RFTN1: variants seen among roughly 807,000 people sequenced by gnomAD.
RFTN1 encodes the protein raftlin.
Under a neutral mutation model 46.5 loss-of-function variants are expected in RFTN1, and 26 were observed. The observed-to-expected ratio is 0.56, with a 90% CI of 0.41 to 0.78. RFTN1 has a LOEUF of 0.78. Among genes scored for constraint, RFTN1 ranks in the 30% least tolerant of loss-of-function variants. The probability of loss-of-function intolerance (pLI) is 0.00; values close to 1 mark genes in which losing one functional copy is unlikely to be tolerated. For missense variants in RFTN1, 693 were observed against 718.7 expected (o/e 0.96, Z 0.41); for synonymous variants, 261 against 284.2 (o/e 0.92, Z 0.82).
rs1339657774 is a variant in RFTN1 at position 16,317,392 on chromosome 3, A to G, written c.1333-160T>C. On this transcript the variant is annotated intron_variant, in intron 9 of 9. Transcript: ENST00000334133. This position sits in a 1 kb window ranked among gnomAD's most constrained non-coding sequence, Gnocchi z 4.3. ...TACAGGCACCAAACTTGAATCGCAC[A>G]CTATCACATCACACCCACCCCAAGA... Among the ~76,000 whole-genome samples, 1 of 151,166 alleles carries G rather than the reference A, an allele frequency of 6.6e-6. No individual in the cohort carries two copies. The highest frequency in any genetic ancestry group is 2.4e-5 in the African/African-American group (1 of 41,062).
Position 16,351,755 on chromosome 3 carries a change from G to A in RFTN1, c.1146+6177C>T, listed in dbSNP as rs1338263211. On this transcript the variant is annotated intron_variant, in intron 7 of 9. Coordinates refer to ENST00000334133, the MANE Select transcript of RFTN1 (RefSeq NM_015150.2). This position sits in a 1 kb window ranked among gnomAD's most constrained non-coding sequence, Gnocchi z 5.4. Reference sequence around the variant, plus strand: ...ATTTAAAAGCATATAAACTATAAGTGCAAAAACAAGTTGTTTCTCAAAAAA... The same window carrying A: ...ATTTAAAAGCATATAAACTATAAGTACAAAAACAAGTTGTTTCTCAAAAAA... 3.3e-5 allele frequency among the ~76,000 whole-genome samples: 5 copies of A among 152,146 alleles called. No individual in the cohort carries two copies. Among genetic ancestry groups the A allele is most frequent in the African/African-American group, 1.2e-4 (5 of 41,434 alleles).
At position 16,447,942 on chromosome 3, in the gene RFTN1, T is replaced by A. The variant is rs954621914; in HGVS notation, c.146-13905A>T. Among the ~76,000 whole-genome samples the A allele has an allele frequency of 6.6e-6, 1 of 152,198 alleles. No individual in the cohort carries two copies. Among genetic ancestry groups the A allele is most frequent in the Non-Finnish European group, 1.5e-5 (1 of 68,030 alleles). On this transcript the variant is annotated intron_variant, in intron 2 of 9. Coordinates refer to ENST00000334133, the MANE Select transcript of RFTN1 (RefSeq NM_015150.2). This position sits in a 1 kb window ranked among gnomAD's most constrained non-coding sequence, Gnocchi z 5.9. ...TTATAAGGAATCTTTAGATTTTCTCTAATGTATTATTTCTTCCCTCTCTTC... is the reference window on the plus strand; with the variant it reads ...TTATAAGGAATCTTTAGATTTTCTCAAATGTATTATTTCTTCCCTCTCTTC...
intron 4 of RFTN1, among the ~76,000 whole-genome samples, chr3:16,386,717 GA>G (rs1173206199): frequency 1.3e-5 from 2 of 152,198 alleles, no homozygotes; most frequent in African/African-American, 4.8e-5. Flanking sequence ...CTGTCCTAAG[GA>G]AAAGAAATCT....
At chr3:16,511,814 A>C (rs1285991571) in intron 1 of RFTN1, among the ~76,000 whole-genome samples, 1 of 152,070 alleles carries the variant, frequency 6.6e-6, no homozygotes, top group Non-Finnish European at 1.5e-5. Flanking sequence ...TTGTATTCCC[A>C]ATTTATTATC....
intron 6 of RFTN1, among the ~76,000 whole-genome samples, chr3:16,366,835 CCT>C (rs1232520172): frequency 6.6e-6 from 1 of 152,208 alleles, no homozygotes; most frequent in African/African-American, 2.4e-5. Context: ...CTATGCCCCT[CCT>C]CTGTGCCCTA....
At chr3:16,453,939 T>G (rs1188263764) in intron 2 of RFTN1, among the ~76,000 whole-genome samples, 1 of 152,078 alleles carries the variant, frequency 6.6e-6, no homozygotes, top group Non-Finnish European at 1.5e-5. Context: ...AAAATGCAAA[T>G]AACATGTTAT....
chr3:16,358,944 A>G (rs1321701821), intron 6 of RFTN1, among the ~76,000 whole-genome samples: 1 of 149,808 alleles, frequency 6.7e-6, no homozygotes, highest in East Asian at 2.0e-4. Context: ...AGGCAGGAGA[A>G]TCGCTTGAAC....
rs2074130466 is a variant in RFTN1 at position 16,385,272 on chromosome 3, C to T, written c.442-7170G>A. On this transcript the variant is annotated intron_variant, in intron 4 of 9. Transcript: ENST00000334133. This position sits in a 1 kb window ranked among gnomAD's most constrained non-coding sequence, Gnocchi z 5.0. Reference sequence around the variant, plus strand: ...GTACAGCTTTCTGAAAAGGGAGGCTCAAAAATAACACGGGTTTGAGCTCAC... The same window carrying T: ...GTACAGCTTTCTGAAAAGGGAGGCTTAAAAATAACACGGGTTTGAGCTCAC... 6.6e-6 allele frequency among the ~76,000 whole-genome samples: 1 copy of T among 152,156 alleles called. No individual in the cohort carries two copies. The highest frequency in any genetic ancestry group is 1.5e-5 in the Non-Finnish European group (1 of 68,026).
At chr3:16,441,833 T>C (rs1196283954) in intron 2 of RFTN1, among the ~76,000 whole-genome samples, 2 of 152,254 alleles carry the variant, frequency 1.3e-5, no homozygotes, top group Non-Finnish European at 2.9e-5. Flanking sequence ...ATCTCTCTTT[T>C]TTAAAAAGTT....
chr3:16,370,140 CAT>C lies in RFTN1; in HGVS notation c.964_965del (p.Met322GlufsTer22). On this transcript the variant is annotated frameshift_variant, in exon 6 of 10. Transcript: ENST00000334133. LOFTEE classifies it high-confidence loss of function. This position sits in a 1 kb window ranked among gnomAD's most constrained non-coding sequence, Gnocchi z 5.5. Reference protein sequence around the residue: ...SGLDANWLEHMSDHFRKGGML... With the variant: ...SGLDANWLEHXSDHFRKGGML... Reference sequence around the variant, plus strand: ...TGCCTCCTTTCCGGAAGTGGTCGCTCATGTGCTCTAACCAGTTGGCGTCCAAA... The same window carrying C: ...TGCCTCCTTTCCGGAAGTGGTCGCTCGTGCTCTAACCAGTTGGCGTCCAAA... 1 of 1,614,200 alleles carries C rather than the reference CAT, an allele frequency of 6.2e-7. No homozygotes were observed. The highest frequency in any genetic ancestry group is 8.5e-7 in the Non-Finnish European group (1 of 1,180,040).
In RFTN1 at chr3:16,475,268, G is replaced by T. The variant is rs2076262510; in HGVS notation, c.145+18457C>A. ...AATAAACTTTTTTTCTTTATAAATT[G>T]CCCAGTTTCAAGTATTCTTTTATGG... On this transcript the variant is annotated intron_variant, in intron 2 of 9. Transcript: ENST00000334133. The surrounding 1 kb of genome is among the most constrained non-coding windows in gnomAD (Gnocchi z 4.2). Among the ~76,000 whole-genome samples the T allele has an allele frequency of 6.6e-6, 1 of 152,118 alleles. No homozygotes were observed. The highest frequency in any genetic ancestry group is 1.5e-5 in the Non-Finnish European group (1 of 68,004).
intron 7 of RFTN1, among the ~76,000 whole-genome samples, chr3:16,332,729 ATTAG>A (rs1017791022): frequency 1.3e-5 from 2 of 152,192 alleles, no homozygotes; most frequent in Non-Finnish European, 2.9e-5. Context: ...ATTTTGCTAA[ATTAG>A]TTAGATTCCT....
At chr3:16,395,923 T>C (rs1559320783) in intron 4 of RFTN1, among the ~76,000 whole-genome samples, 1 of 152,216 alleles carries the variant, frequency 6.6e-6, no homozygotes, top group Admixed American at 6.5e-5. Context: ...TAAAAACTTG[T>C]AAAAAATTTT....
intron 4 of RFTN1, among the ~76,000 whole-genome samples, chr3:16,388,714 T>C (rs2074271758): frequency 6.6e-6 from 1 of 152,160 alleles, no homozygotes; most frequent in African/African-American, 2.4e-5. Flanking sequence ...TTTGTTAATA[T>C]CACTACTTCT....
chr3:16,365,176 T>G (rs2073082302), intron 6 of RFTN1, among the ~76,000 whole-genome samples: 1 of 143,992 alleles, frequency 6.9e-6, no homozygotes, highest in African/African-American at 2.4e-5. Flanking sequence ...TGGAGGTGGG[T>G]GGTGTCCCAA....
intron 2 of RFTN1, among the ~76,000 whole-genome samples, chr3:16,434,408 C>T: frequency 6.7e-6 from 1 of 150,292 alleles, no homozygotes; most frequent in South Asian, 2.1e-4. Flanking sequence ...ACAAAAAAAC[C>T]CCCTCAAAAT....
In RFTN1 at chr3:16,499,466, C is replaced by T. The variant is rs571252194; in HGVS notation, c.-8-5589G>A. 6.3e-4 allele frequency among the ~76,000 whole-genome samples: 96 copies of T among 152,298 alleles called. No homozygotes were observed. Among genetic ancestry groups the T allele is most frequent in the African/African-American group, 2.0e-3 (82 of 41,554 alleles). ...AAGAGGGGCCCATGTGGAGAGGAAC[C>T]GACAGCCAGGACCAACTTGCTGGCC... On this transcript the variant is annotated intron_variant, in intron 1 of 9. Transcript: ENST00000334133. The surrounding 1 kb of genome is among the most constrained non-coding windows in gnomAD (Gnocchi z 4.9).
chr3:16,401,256 C>T (rs1178075050), intron 4 of RFTN1, among the ~76,000 whole-genome samples: 2 of 149,210 alleles, frequency 1.3e-5, no homozygotes, highest in African/African-American at 5.0e-5. Flanking sequence ...CTGGGTAGGT[C>T]GAGGCTTCAG....
In RFTN1 at chr3:16,353,738, A is replaced by C. The variant is rs953444072; in HGVS notation, c.1146+4194T>G. ...GTGTCCTTATAAGAAGAGACACCAG[A>C]GTAGCCCCCTCCCACCTGTGCGTGC... On this transcript the variant is annotated intron_variant, in intron 7 of 9. Coordinates refer to ENST00000334133, the MANE Select transcript of RFTN1 (RefSeq NM_015150.2). The surrounding 1 kb of genome is among the most constrained non-coding windows in gnomAD (Gnocchi z 5.4). Among the ~76,000 whole-genome samples the C allele has an allele frequency of 6.6e-6, 1 of 152,162 alleles. No homozygotes were observed. The highest frequency in any genetic ancestry group is 2.4e-5 in the African/African-American group (1 of 41,438).
Sources: allele counts gnomAD v4.1 joint callset (sites outside exome capture counted in the v4.1 genomes callset), GRCh38; gene constraint gnomAD v4.1.1; non-coding constraint Gnocchi (gnomAD v3.1); transcripts MANE v1.5; gene names NCBI Gene and HGNC (gene_info 2026-07-23, HGNC 2026-07-21).